STIM1: variants seen among roughly 807,000 people sequenced by gnomAD.
The protein encoded by STIM1 is stromal interaction molecule 1.
Under a neutral mutation model 74.7 loss-of-function variants are expected in STIM1, and 25 were observed. The observed-to-expected ratio is 0.33, with a 90% confidence interval of 0.24 to 0.47. The LOEUF (loss-of-function observed/expected upper bound fraction) is 0.47. Among genes scored for constraint, STIM1 ranks in the 20% least tolerant of loss-of-function variants. The pLI is 1.00. For missense variants in STIM1, 728 were observed against 920.8 expected (o/e 0.79, Z 2.71); for synonymous variants, 328 against 348.8 (o/e 0.94, Z 0.66).
chr11:4,086,932 C>A, intron 12 of STIM1: 3 of 1,482,836 alleles, frequency 2.0e-6, no homozygotes, highest in Non-Finnish European at 2.7e-6. Context: ...TTTCTGCCTG[C>A]CAGCTGCTGC....
At chr11:4,024,836 C>G (rs1459448828) in intron 3 of STIM1, among the ~76,000 whole-genome samples, 2 of 152,044 alleles carry the variant, frequency 1.3e-5, no homozygotes, top group African/African-American at 4.8e-5. Context: ...AGTGAAAGAG[C>G]ATGTCTAATT....
intron 1 of STIM1, among the ~76,000 whole-genome samples, chr11:3,956,289 G>C (rs1277424335): frequency 6.6e-6 from 1 of 152,190 alleles, no homozygotes; most frequent in Non-Finnish European, 1.5e-5. Context: ...TGCAGGATAA[G>C]AGTTGGAATA....
At chr11:3,878,456 TTTC>T (rs1240729121) in intron 1 of STIM1, among the ~76,000 whole-genome samples, 1 of 152,028 alleles carries the variant, frequency 6.6e-6, no homozygotes, top group Non-Finnish European at 1.5e-5. Flanking sequence ...ACATATGAAG[TTTC>T]TTTTTTTTTT....
chr11:4,000,492 C>T (rs1565143260), intron 2 of STIM1, among the ~76,000 whole-genome samples: 1 of 152,026 alleles, frequency 6.6e-6, no homozygotes, highest in Non-Finnish European at 1.5e-5. Context: ...GAGTGGACCT[C>T]TAGCAAACTC....
chr11:4,012,841 G>A lies in STIM1; in HGVS notation c.271-11032G>A, dbSNP rs184842552. Among the ~76,000 whole-genome samples, 5 of 152,272 alleles carry A rather than the reference G, an allele frequency of 3.3e-5. No homozygotes were observed. In the East Asian group the frequency reaches 9.6e-4, roughly 29 times the overall value. On this transcript the variant is annotated intron_variant, in intron 2 of 12. Coordinates refer to ENST00000526596, the MANE Select transcript of STIM1 (RefSeq NM_001382567.1). ...TATGTTTCCAGCTTTTGCCCATTCA[G>A]TATTATATTGGCTGTGGGTTTGTCA...
At chr11:3,993,999 T>G (rs1270211524) in intron 2 of STIM1, among the ~76,000 whole-genome samples, 7 of 152,212 alleles carry the variant, frequency 4.6e-5, no homozygotes, top group Admixed American at 4.6e-4. Flanking sequence ...GGATTCAAAG[T>G]ACTATCTGGG....
At chr11:4,083,222 C>T (rs201289479) in intron 9 of STIM1, 41 bp from the exon 10 acceptor site, 21 of 1,598,844 alleles carry the variant, frequency 1.3e-5, no homozygotes, top group Non-Finnish European at 1.7e-5. Flanking sequence ...TTGGGGCTCA[C>T]ACCAAGTCCA....
At chr11:4,034,074 C>G (rs1349971306) in intron 3 of STIM1, among the ~76,000 whole-genome samples, 1 of 151,306 alleles carries the variant, frequency 6.6e-6, no homozygotes, top group Non-Finnish European at 1.5e-5. Flanking sequence ...ACTAAAAATA[C>G]AAAAATTAGC....
intron 1 of STIM1, among the ~76,000 whole-genome samples, chr11:3,900,854 G>A (rs1279458239): frequency 1.3e-5 from 2 of 152,182 alleles, no homozygotes; most frequent in Non-Finnish European, 2.9e-5. Flanking sequence ...GGGATTACAG[G>A]CATGAGCCAC....
intron 3 of STIM1, among the ~76,000 whole-genome samples, chr11:4,028,321 A>G (rs1158052146): frequency 3.3e-5 from 5 of 151,672 alleles, no homozygotes; most frequent in Non-Finnish European, 7.4e-5. Context: ...ATCTCAAGTG[A>G]TCTACCCGCC....
At chr11:3,945,425 A>C (rs1327610862) in intron 1 of STIM1, among the ~76,000 whole-genome samples, 5 of 151,980 alleles carry the variant, frequency 3.3e-5, no homozygotes, top group Middle Eastern at 3.4e-3. Flanking sequence ...AAAAATAAAA[A>C]AATAAAAAAA....
chr11:3,857,110 T>TTG (rs1196334324), intron 1 of STIM1, among the ~76,000 whole-genome samples: 14 of 143,038 alleles, frequency 9.8e-5, no homozygotes, highest in Non-Finnish European at 2.0e-4. Context: ...TTTTTTTTGT[T>TTG]TTTTTTTTTT....
At chr11:4,039,134 T>C (rs1429995804) in intron 3 of STIM1, among the ~76,000 whole-genome samples, 1 of 152,026 alleles carries the variant, frequency 6.6e-6, no homozygotes, top group Non-Finnish European at 1.5e-5. Context: ...TAATTTTTGA[T>C]GAAAAAAAAT....
chr11:3,907,897 G>A lies in STIM1; in HGVS notation c.139+51488G>A, dbSNP rs773687758. The stretch of plus-strand genomic sequence containing the variant: ...CCTTCTTACTCTAACTTTCTGCATG[G>A]CTCATGCCTTATTTCCTTCAGATCT... On this transcript the variant is annotated intron_variant, in intron 1 of 12. Coordinates refer to ENST00000526596, the MANE Select transcript of STIM1 (RefSeq NM_001382567.1). Among the ~76,000 whole-genome samples the A allele has an allele frequency of 4.5e-4, 69 of 152,146 alleles. 1 individual carries two copies. The highest frequency in any genetic ancestry group is 2.6e-4 in the Admixed American group (4 of 15,280).
At chr11:3,964,806 C>T (rs1366411920) in intron 1 of STIM1, among the ~76,000 whole-genome samples, 2 of 151,590 alleles carry the variant, frequency 1.3e-5, no homozygotes, top group Admixed American at 1.3e-4. Context: ...ATCACTGCAG[C>T]CTCAGCCTCG....
At chr11:4,086,364 T>G (rs2094492950) in intron 11 of STIM1, 113 bp from the exon 12 acceptor site, 1 of 1,224,766 alleles carries the variant, frequency 8.2e-7, no homozygotes, top group South Asian at 1.3e-5. Context: ...TTCTCCAGAT[T>G]GGCATTAGAG....
chr11:4,024,478 C>T (rs1198068002), intron 3 of STIM1, among the ~76,000 whole-genome samples: 1 of 152,192 alleles, frequency 6.6e-6, no homozygotes, highest in Non-Finnish European at 1.5e-5. Context: ...CCTGAGTCTT[C>T]TTTTTTCCAG....
chr11:3,961,006 G>A (rs1358502245), intron 1 of STIM1, among the ~76,000 whole-genome samples: 1 of 151,600 alleles, frequency 6.6e-6, no homozygotes, highest in Non-Finnish European at 1.5e-5. Context: ...TCCCTGAAAG[G>A]TGATTTTTTT....
intron 1 of STIM1, among the ~76,000 whole-genome samples, chr11:3,889,888 G>T (rs1016226844): frequency 1.3e-5 from 2 of 152,090 alleles, no homozygotes; most frequent in African/African-American, 4.8e-5. Context: ...CTATTGAGTG[G>T]GGAGACAGGT....
Sources: allele counts gnomAD v4.1 joint callset (sites outside exome capture counted in the v4.1 genomes callset), GRCh38; gene constraint gnomAD v4.1.1; transcripts MANE v1.5; gene names NCBI Gene and HGNC (gene_info 2026-07-23, HGNC 2026-07-21).